NIPAL2: variants seen among roughly 807,000 people sequenced by gnomAD.
NIPAL2 encodes the protein NIPA like domain containing 2.
In NIPAL2, 43 loss-of-function variants were observed where a neutral mutation model predicts 48.9. The observed-to-expected ratio is 0.88, with a 90% CI of 0.69 to 1.13. NIPAL2 has a LOEUF of 1.13. NIPAL2 is among the 50% of genes most tolerant of loss of function. NIPAL2 has a pLI of 0.00. For synonymous variants in NIPAL2, 167 were observed against 174.6 expected, an observed-to-expected ratio of 0.96 and a Z score of 0.34; for missense variants, 446 against 461.4, an observed-to-expected ratio of 0.97 and a Z score of 0.31.
rs1325160825 is a variant in NIPAL2 at position 98,190,177 on chromosome 8, A to G, written c.*2801T>C. Reference sequence around the variant, plus strand: ...TGTTTCCACACTCCCAAAGTATCTCATTTGTCATGAGCCATGAGTGTCACT... The same window carrying G: ...TGTTTCCACACTCCCAAAGTATCTCGTTTGTCATGAGCCATGAGTGTCACT... On this transcript the variant is annotated 3_prime_UTR_variant, in exon 11 of 11. Coordinates refer to ENST00000430223, the MANE Select transcript of NIPAL2 (RefSeq NM_001321635.2). The G allele has an allele frequency of 6.6e-6, 1 of 152,090 alleles. No individual in the cohort carries two copies. Among genetic ancestry groups the G allele is most frequent in the Non-Finnish European group, 1.5e-5 (1 of 68,024 alleles). The allele number at this position is 152,090 out of a possible 1,614,324, so 9.4% of individuals were successfully genotyped here. A position where few individuals can be genotyped will look rare whatever the true frequency, so the allele number is the denominator to read the frequency against.
At position 98,212,454 on chromosome 8, in the gene NIPAL2, T is replaced by G; in HGVS notation, c.606A>C (p.Arg202Ser). Residue 202 changes from arginine to serine, a missense_variant, in exon 6 of 11, where the codon AGA becomes AGC. Transcript: ENST00000430223. ...GAATCACCATATGCTTCATTCCTTT[T>G]CTTTTATAGAAATACAGGAGAATGC... ...IFCILLYFYK[R>S]KGMKHMVILL... The G allele has an allele frequency of 6.3e-7, 1 of 1,583,960 alleles. No homozygotes were observed. The highest frequency in any genetic ancestry group is 8.7e-7 in the Non-Finnish European group (1 of 1,153,256).
intron 1 of NIPAL2, among the ~76,000 whole-genome samples, chr8:98,262,628 G>A (rs1258894992): frequency 6.0e-5 from 9 of 150,650 alleles, no homozygotes; most frequent in African/African-American, 1.7e-4. Flanking sequence ...GATTCATAAA[G>A]CAAGTCCTGA....
At chr8:98,262,499 C>T (rs1176022397) in intron 1 of NIPAL2, among the ~76,000 whole-genome samples, 2 of 151,934 alleles carry the variant, frequency 1.3e-5, no homozygotes, top group Non-Finnish European at 2.9e-5. Flanking sequence ...ATAAAACAGA[C>T]ATTAAACCAA....
At chr8:98,258,870 G>C (rs1240921848) in intron 1 of NIPAL2, among the ~76,000 whole-genome samples, 3 of 151,522 alleles carry the variant, frequency 2.0e-5, no homozygotes, top group Non-Finnish European at 4.4e-5. Flanking sequence ...CCCGACTCCT[G>C]AATCATTCGT....
chr8:98,220,408 ATT>A (rs71273110), intron 5 of NIPAL2, among the ~76,000 whole-genome samples: 8 of 140,770 alleles, frequency 5.7e-5, no homozygotes, highest in Admixed American at 1.4e-4. Context: ...GTGTGCTTTG[ATT>A]TTTTTTTTTT....
chr8:98,274,081 G>A (rs1000225419), intron 1 of NIPAL2, among the ~76,000 whole-genome samples: 7 of 152,044 alleles, frequency 4.6e-5, no homozygotes, highest in African/African-American at 1.7e-4. Flanking sequence ...GTTTGGGTCA[G>A]AAATGTGCTG....
chr8:98,217,220 G>A, intron 5 of NIPAL2: 2 of 985,406 alleles, frequency 2.0e-6, no homozygotes, highest in Non-Finnish European at 2.4e-6. Context: ...CAGAGGAAAA[G>A]CTCCTGAGCC....
chr8:98,193,405 G>A, intron 10 of NIPAL2: 1 of 1,614,050 alleles, frequency 6.2e-7, no homozygotes, highest in Non-Finnish European at 8.5e-7. Flanking sequence ...TTCTCTCTGG[G>A]GTTGTGTCTT....
intron 8 of NIPAL2, among the ~76,000 whole-genome samples, chr8:98,196,677 C>T (rs2130685628): frequency 6.6e-6 from 1 of 152,336 alleles, no homozygotes; most frequent in East Asian, 1.9e-4. Context: ...CCAAAGCCTT[C>T]ATAGAGTTTT....
chr8:98,266,874 C>T (rs2130867765), intron 1 of NIPAL2, among the ~76,000 whole-genome samples: 1 of 152,080 alleles, frequency 6.6e-6, no homozygotes, highest in South Asian at 2.1e-4. Flanking sequence ...TGCTAGTAAT[C>T]CAAAGTGATA....
intron 5 of NIPAL2, chr8:98,217,080 C>T (rs144208907): frequency 0.017 from 16,550 of 985,400 alleles, 306 homozygotes; most frequent in Admixed American, 0.12. Context: ...TGCATTTTGG[C>T]AAGGATGGGG....
chr8:98,266,444 T>C (rs1814748345), intron 1 of NIPAL2, among the ~76,000 whole-genome samples: 1 of 148,378 alleles, frequency 6.7e-6, no homozygotes, highest in African/African-American at 2.5e-5. Flanking sequence ...TCTACTAAAA[T>C]ATAAAAAATT....
At chr8:98,284,477 A>G (rs1407916232) in intron 1 of NIPAL2, among the ~76,000 whole-genome samples, 1 of 151,838 alleles carries the variant, frequency 6.6e-6, no homozygotes, top group East Asian at 1.9e-4. Context: ...AAATACAGCT[A>G]CTTTTTGAGG....
intron 8 of NIPAL2, among the ~76,000 whole-genome samples, chr8:98,196,299 G>A (rs1810545259): frequency 6.6e-6 from 1 of 152,156 alleles, no homozygotes; most frequent in Non-Finnish European, 1.5e-5. Context: ...TGCCCAACTG[G>A]AACATACAAG....
chr8:98,209,997 ATATC>A (rs1262981246), intron 6 of NIPAL2, among the ~76,000 whole-genome samples: 1 of 152,076 alleles, frequency 6.6e-6, no homozygotes, highest in South Asian at 2.1e-4. Context: ...ATATATATGC[ATATC>A]TATCTATCAT....
At chr8:98,204,910 A>G (rs1037622902) in intron 7 of NIPAL2, among the ~76,000 whole-genome samples, 3 of 152,156 alleles carry the variant, frequency 2.0e-5, no homozygotes, top group Non-Finnish European at 4.4e-5. Context: ...CTCACAAGAC[A>G]TGAAGGCAAC....
chr8:98,248,478 C>T (rs1476304608), intron 3 of NIPAL2, among the ~76,000 whole-genome samples: 1 of 152,220 alleles, frequency 6.6e-6, no homozygotes, highest in Non-Finnish European at 1.5e-5. Flanking sequence ...AGTTCTTCTG[C>T]ACAATGACCT....
At chr8:98,258,909 T>G (rs953316287) in intron 1 of NIPAL2, among the ~76,000 whole-genome samples, 7 of 151,888 alleles carry the variant, frequency 4.6e-5, no homozygotes, top group Non-Finnish European at 4.4e-5. Context: ...TAAATTCAAT[T>G]CAGCTGAAGT....
At chr8:98,254,270 C>CT (rs1813753791) in intron 1 of NIPAL2, among the ~76,000 whole-genome samples, 183 bp from the exon 2 acceptor site, 1 of 152,126 alleles carries the variant, frequency 6.6e-6, no homozygotes, top group Admixed American at 6.5e-5. Flanking sequence ...TTTTCGAACA[C>CT]TATTTTTAAG....
Sources: allele counts gnomAD v4.1 joint callset (sites outside exome capture counted in the v4.1 genomes callset), GRCh38; gene constraint gnomAD v4.1.1; transcripts MANE v1.5; gene names NCBI Gene and HGNC (gene_info 2026-07-23, HGNC 2026-07-21).